Variants in PFKFB3 observed in about 807,000 individuals in gnomAD.
PFKFB3 encodes 6-phosphofructo-2-kinase/fructose-2,6-biphosphatase 3, also known as 6-phosphofructo-2-kinase/fructose-2,6-bisphosphatase 3.
In PFKFB3, 33 loss-of-function variants were observed where a neutral mutation model predicts 68.0. The observed-to-expected ratio is 0.49, with a 90% CI of 0.37 to 0.65. The LOEUF is 0.65. Ranked by LOEUF, PFKFB3 falls within the 30% of genes least tolerant of loss-of-function variation. The pLI, the probability that PFKFB3 is intolerant of heterozygous loss-of-function variation, is 0.00. For missense variants in PFKFB3, 586 were observed against 712.2 expected (o/e 0.82, Z 2.02); for synonymous variants, 315 against 288.2 (o/e 1.09, Z -0.94).
At chr10:6,258,833 G>A (rs918849578), downstream of PFKFB3, among the ~76,000 whole-genome samples, 2 of 152,164 alleles carry the variant, frequency 1.3e-5, no homozygotes, top group Admixed American at 1.3e-4. Flanking sequence ...TAGAGATCCA[G>A]GCTGACATAA....
At chr10:6,165,002 G>A (rs1842085696) in intron 1 of PFKFB3, among the ~76,000 whole-genome samples, 1 of 151,490 alleles carries the variant, frequency 6.6e-6, no homozygotes, top group Non-Finnish European at 1.5e-5. Flanking sequence ...CTGCAAAGAG[G>A]CCCCCTCTCT....
chr10:6,160,203 G>T (rs1678350866), intron 1 of PFKFB3, among the ~76,000 whole-genome samples: 1 of 152,146 alleles, frequency 6.6e-6, no homozygotes, highest in Non-Finnish European at 1.5e-5. Context: ...GAGGATGGGG[G>T]AATATACAAA....
At chr10:6,288,343 T>C in the PFKFB3 span, among the ~76,000 whole-genome samples, 1 of 118,346 alleles carries the variant, frequency 8.4e-6, no homozygotes, top group Admixed American at 8.9e-5. Flanking sequence ...CCTAATGCTA[T>C]CCCTCCCCCC....
chr10:6,198,604 T>A (rs976716634), upstream of PFKFB3, among the ~76,000 whole-genome samples: 4 of 152,238 alleles, frequency 2.6e-5, no homozygotes, highest in Non-Finnish European at 5.9e-5. Flanking sequence ...TGCCTCAGCC[T>A]CCCGAGTAGC....
chr10:6,237,192 C>T (rs1228006675), downstream of PFKFB3, among the ~76,000 whole-genome samples: 3 of 152,268 alleles, frequency 2.0e-5, no homozygotes, highest in Non-Finnish European at 2.9e-5. Context: ...AAAAGGCCTC[C>T]CGTCTCCCGA....
the PFKFB3 span, among the ~76,000 whole-genome samples, chr10:6,314,171 A>G: frequency 6.6e-6 from 1 of 152,254 alleles, no homozygotes; most frequent in African/African-American, 2.4e-5. Context: ...TCTAGAAGCA[A>G]AAAGGCCAAA....
the PFKFB3 span, among the ~76,000 whole-genome samples, chr10:6,310,329 A>C: frequency 1.8e-4 from 28 of 151,966 alleles, no homozygotes; most frequent in Non-Finnish European, 3.8e-4. Flanking sequence ...TTAGGAAATT[A>C]TTTATTAATT....
rs751642477 is a variant in PFKFB3 at position 6,233,834 on chromosome 10, G to A, written c.*892G>A. ...ATGTTGGGGTGTCTTGCCCTGGGGG[G>A]CTTGGAACCTCTGAAGGTGGGGAGC... is the stretch of plus-strand genomic sequence containing the variant. On this transcript the variant is annotated 3_prime_UTR_variant, in exon 15 of 15. Coordinates refer to ENST00000379775, the MANE Select transcript of PFKFB3 (RefSeq NM_004566.4). The A allele has an allele frequency of 6.5e-6, 1 of 152,932 alleles. No homozygotes were observed. Among genetic ancestry groups the A allele is most frequent in the African/African-American group, 2.4e-5 (1 of 41,476 alleles). 9.5% of individuals were successfully genotyped at this position (152,932 alleles called of 1,614,324 possible).
At chr10:6,291,948 T>A in the PFKFB3 span, among the ~76,000 whole-genome samples, 1 of 134,386 alleles carries the variant, frequency 7.4e-6, no homozygotes, top group East Asian at 2.0e-4. Context: ...ACCAGTGGTT[T>A]TTTTTTTTTT....
chr10:6,249,767 T>C (rs764250129), intron 14 of PFKFB3, among the ~76,000 whole-genome samples: 6 of 151,952 alleles, frequency 3.9e-5, no homozygotes, highest in Non-Finnish European at 7.4e-5. Flanking sequence ...GTGTGTGATA[T>C]TGTACAGCAT....
intron 1 of PFKFB3, among the ~76,000 whole-genome samples, chr10:6,174,280 A>G (rs554000887): frequency 4.6e-5 from 7 of 152,320 alleles, no homozygotes; most frequent in African/African-American, 1.7e-4. Context: ...TACCAGGAGA[A>G]GCAGACATCG....
At chr10:6,187,736 C>T (rs899432130) in intron 1 of PFKFB3, among the ~76,000 whole-genome samples, 33 of 152,190 alleles carry the variant, frequency 2.2e-4, no homozygotes, top group African/African-American at 6.7e-4. Context: ...GTGCACCTTC[C>T]GAAACTGAGG....
At chr10:6,238,088 T>C (rs1846061930), downstream of PFKFB3, among the ~76,000 whole-genome samples, 1 of 152,152 alleles carries the variant, frequency 6.6e-6, no homozygotes, top group South Asian at 2.1e-4. Context: ...CCTCAAAATA[T>C]GACACTTCAG....
exon 1 of PFKFB3, chr10:6,144,968 G>T (rs1415543880): frequency 7.8e-7 from 1 of 1,282,634 alleles, no homozygotes; most frequent in Non-Finnish European, 9.8e-7. Context: ...GGTGTCGCGG[G>T]CCGGCCCCGC....
At chr10:6,272,703 GAAAA>G in the PFKFB3 span, among the ~76,000 whole-genome samples, 1 of 151,812 alleles carries the variant, frequency 6.6e-6, no homozygotes. Context: ...TCAAAAAAAA[GAAAA>G]AAGAAATAGG....
In PFKFB3 at chr10:6,154,124, C is replaced by T. The variant is rs1343501731; in HGVS notation, c.16+9111C>T. Among the ~76,000 whole-genome samples the T allele has an allele frequency of 1.3e-5, 2 of 152,106 alleles. No homozygotes were observed. Among genetic ancestry groups the T allele is most frequent in the East Asian group, 1.9e-4 (1 of 5,192 alleles). On this transcript the variant is annotated intron_variant, in intron 1 of 14. Transcript: ENST00000379789. This position sits in a 1 kb window ranked among gnomAD's most constrained non-coding sequence, Gnocchi z 4.6. ...GGTGAGAGGGTGGAAGCCAGGTGGACACAGGCTTAGGAAGGGAGTGGCGGC... is the reference window on the plus strand; with the variant it reads ...GGTGAGAGGGTGGAAGCCAGGTGGATACAGGCTTAGGAAGGGAGTGGCGGC...
At chr10:6,145,062 T>C in intron 1 of PFKFB3, 1 of 1,290,518 alleles carries the variant, frequency 7.7e-7, no homozygotes, top group Non-Finnish European at 9.8e-7. Context: ...CGCGGGGACC[T>C]GAGCGGCCGC....
At chr10:6,314,294 T>G in the PFKFB3 span, among the ~76,000 whole-genome samples, 1 of 152,214 alleles carries the variant, frequency 6.6e-6, no homozygotes. Context: ...ACATGTTCAT[T>G]GCAGAAAAAT....
At chr10:6,146,448 G>C (rs781148937) in intron 1 of PFKFB3, 10 of 1,535,558 alleles carry the variant, frequency 6.5e-6, no homozygotes, top group Non-Finnish European at 8.7e-6. Context: ...CTGTCAGCTG[G>C]ACACGTTTAG....
Sources: gnomAD v4.1 joint callset for allele counts (sites outside exome capture counted in the v4.1 genomes callset) on GRCh38, gnomAD v4.1.1 for gene constraint, Gnocchi (gnomAD v3.1) non-coding constraint, MANE v1.5 for transcripts, NCBI Gene and HGNC (gene_info 2026-07-23, HGNC 2026-07-21) for gene names.